Variants in ZNF808 observed in about 807,000 individuals in gnomAD.
ZNF808 encodes the protein zinc finger protein 808.
In ZNF808, 5 loss-of-function variants were observed where a neutral mutation model predicts 8.7. The ratio of observed to expected loss-of-function variants is 0.58; its 90% CI spans 0.30 to 1.21. The LOEUF is 1.21. Ranked by LOEUF, ZNF808 falls within the 50% of genes most tolerant of loss-of-function variation. The pLI is 0.07. For missense variants in ZNF808, 1,103 were observed against 1,098.4 expected, an observed-to-expected ratio of 1.00 and a Z score of -0.06; for synonymous variants, 380 against 366.0, an observed-to-expected ratio of 1.04 and a Z score of -0.44.
chr19:52,536,513 C>G (rs1186207298), intron 2 of ZNF808, among the ~76,000 whole-genome samples: 2 of 152,124 alleles, frequency 1.3e-5, no homozygotes, highest in Admixed American at 6.6e-5. Context: ...TACATCCCCC[C>G]TCGTGGTGGG....
At chr19:52,561,360 G>A (rs2059857723) in intron 3 of ZNF808, among the ~76,000 whole-genome samples, 1 of 151,646 alleles carries the variant, frequency 6.6e-6, no homozygotes, top group African/African-American at 2.4e-5. Flanking sequence ...ACTTCTTTCT[G>A]TTCTTGTATT....
chr19:52,554,622 G>T lies in ZNF808; in HGVS notation c.1706G>T (p.Cys569Phe), dbSNP rs1467907686. 1 of 1,613,886 alleles carries T rather than the reference G, an allele frequency of 6.2e-7. No individual in the cohort carries two copies. The highest frequency in any genetic ancestry group is 8.5e-7 in the Non-Finnish European group (1 of 1,179,954). ...RIHTAKKPYK[C>F]NECGKAFNQQ... ...CACACTGCAAAGAAACCTTACAAGT[G>T]TAATGAATGTGGGAAAGCTTTTAAT... The change falls in exon 5 of 5, where the codon TGT becomes TTT. Residue 569 changes from cysteine (C) to phenylalanine (F), a missense_variant. Transcript: ENST00000359798.
At chr19:52,551,013 G>T (rs1017174660) in intron 4 of ZNF808, among the ~76,000 whole-genome samples, 3 of 151,940 alleles carry the variant, frequency 2.0e-5, no homozygotes, top group Non-Finnish European at 2.9e-5. Flanking sequence ...TTGAGGTCAG[G>T]AGTTTGAGAC....
chr19:52,539,070 A>G (rs1299706438), intron 2 of ZNF808, among the ~76,000 whole-genome samples: 1 of 152,016 alleles, frequency 6.6e-6, no homozygotes, highest in East Asian at 1.9e-4. Context: ...GGAGAGAAGT[A>G]GGGTAAGAAG....
intron 2 of ZNF808, among the ~76,000 whole-genome samples, chr19:52,542,634 A>G (rs190379868): frequency 1.3e-5 from 2 of 152,242 alleles, no homozygotes; most frequent in East Asian, 1.9e-4. Flanking sequence ...TGGTCGGGGC[A>G]GAGCTTAATT....
At chr19:52,559,851 C>T (rs181080099), downstream of ZNF808, among the ~76,000 whole-genome samples, 20 of 152,094 alleles carry the variant, frequency 1.3e-4, no homozygotes, top group Admixed American at 1.1e-3. Flanking sequence ...CTGAGCCTCT[C>T]GAGTAGCTGG....
At chr19:52,551,987 G>T (rs1568487943) in intron 4 of ZNF808, among the ~76,000 whole-genome samples, 1 of 151,906 alleles carries the variant, frequency 6.6e-6, no homozygotes, top group Non-Finnish European at 1.5e-5. Context: ...TGGAGTGCAA[G>T]ACTCCTTCTC....
At position 52,533,407 on chromosome 19, in the gene ZNF808, G is replaced by T. The variant is rs140099463; in HGVS notation, c.-20+398G>T. On this transcript the variant is annotated intron_variant, in intron 2 of 4. Coordinates refer to ENST00000359798, the MANE Select transcript of ZNF808 (RefSeq NM_001039886.4). ...ATGCCTGGCTAATTTTTATAGTTTT[G>T]TAGAGACGGGGTTTCACCATGTTGG... 6.7e-4 allele frequency among the ~76,000 whole-genome samples: 101 copies of T among 151,702 alleles called. No individual in the cohort carries two copies. In the East Asian group the frequency reaches 1.0e-2, roughly 15 times the overall value.
In ZNF808 at chr19:52,553,981, A is replaced by G. The variant is rs199544551; in HGVS notation, c.1065A>G (p.Gln355=). The G allele has an allele frequency of 2.3e-5, 37 of 1,614,098 alleles. No individual in the cohort carries two copies. In the African/African-American group the frequency reaches 4.0e-4, roughly 17 times the overall value. Residue 355 remains glutamine, a synonymous_variant, in exon 5 of 5, where the codon CAA becomes CAG. Transcript: ENST00000359798. ...CNECGKAFNQ[Q]SHLSRHQRLH... Reference sequence around the variant, plus strand: ...AATGTGGCAAGGCTTTTAATCAACAATCACACCTTTCACGCCATCAAAGAC... The same window carrying G: ...AATGTGGCAAGGCTTTTAATCAACAGTCACACCTTTCACGCCATCAAAGAC...
Position 52,555,992 on chromosome 19 carries a change from G to T in ZNF808, c.*364G>T, listed in dbSNP as rs755495805. On this transcript the variant is annotated 3_prime_UTR_variant, in exon 5 of 5. Transcript: ENST00000359798. ...ATCAGTGTGGCAAGGTCTTCAGTCC[G>T]AGGTCACTCCTTGCAGAACATGAGA... The T allele has an allele frequency of 3.8e-5, 23 of 611,074 alleles. No homozygotes were observed. The highest frequency in any genetic ancestry group is 3.7e-4 in the African/African-American group (20 of 54,584). 37.9% of individuals were successfully genotyped at this position (611,074 alleles called of 1,614,324 possible).
At chr19:52,544,276 G>C (rs988446530) in intron 3 of ZNF808, among the ~76,000 whole-genome samples, 5 of 152,150 alleles carry the variant, frequency 3.3e-5, no homozygotes, top group Non-Finnish European at 7.4e-5. Context: ...CGCTACTGTA[G>C]CCTCCCAAAG....
At chr19:52,564,303 T>C (rs1359540538) in exon 4 of ZNF808, 1 of 652,782 alleles carries the variant, frequency 1.5e-6, no homozygotes, top group Admixed American at 2.5e-5. Flanking sequence ...AAGCTGAAAA[T>C]GTCACTACCA....
intron 4 of ZNF808, among the ~76,000 whole-genome samples, chr19:52,552,703 GT>G (rs33948596): frequency 0.015 from 2,147 of 141,094 alleles, 43 homozygotes; most frequent in African/African-American, 0.044. Flanking sequence ...ATGTTGTGTG[GT>G]TTTTTTTTTT....
downstream of ZNF808, among the ~76,000 whole-genome samples, chr19:52,564,662 C>A (rs1811657379): frequency 6.6e-6 from 1 of 152,028 alleles, no homozygotes; most frequent in Admixed American, 6.6e-5. Context: ...CTATATAAAA[C>A]AATATCAGCA....
chr19:52,553,883 G>A lies in ZNF808; in HGVS notation c.967G>A (p.Val323Ile), dbSNP rs1271908805. 8 of 1,613,966 alleles carry A rather than the reference G, an allele frequency of 5.0e-6. No individual in the cohort carries two copies. Among genetic ancestry groups the A allele is most frequent in the African/African-American group, 1.3e-5 (1 of 74,972 alleles). ...TTACAAGTGTAATGAGTGTGGCAAG[G>A]TCTTTCGTCAAAATTCAGCCCTTGT... The part of the protein sequence containing the change: ...KPYKCNECGK[V>I]FRQNSALVIH... Residue 323 changes from valine to isoleucine, a missense_variant, in exon 5 of 5, where the codon GTC (valine) becomes ATC (isoleucine). Val to Ile is a conservative substitution (Grantham distance 29). Transcript: ENST00000359798.
At chr19:52,549,527 C>T (rs943705253) in intron 4 of ZNF808, among the ~76,000 whole-genome samples, 1 of 152,156 alleles carries the variant, frequency 6.6e-6, no homozygotes, top group Non-Finnish European at 1.5e-5. Flanking sequence ...ATTCTTGTCC[C>T]TTGCCCATAT....
chr19:52,564,882 T>C (rs757225492), downstream of ZNF808, among the ~76,000 whole-genome samples: 9 of 151,930 alleles, frequency 5.9e-5, 1 homozygote, highest in Non-Finnish European at 1.0e-4. Flanking sequence ...GTCGGGAGAT[T>C]GAGACCATCC....
intron 1 of ZNF808, among the ~76,000 whole-genome samples, chr19:52,529,909 A>AT (rs766981559): frequency 4.2e-4 from 57 of 134,226 alleles, no homozygotes; most frequent in Middle Eastern, 4.1e-3. Context: ...ATATATATAT[A>AT]TATTTTTTTT....
At chr19:52,541,557 G>A (rs554753375) in intron 2 of ZNF808, among the ~76,000 whole-genome samples, 26 of 152,112 alleles carry the variant, frequency 1.7e-4, no homozygotes, top group African/African-American at 6.0e-4. Context: ...GAATAAGACC[G>A]GAAAAGCTCA....
Sources: allele counts gnomAD v4.1 joint callset (sites outside exome capture counted in the v4.1 genomes callset), GRCh38; gene constraint gnomAD v4.1.1; transcripts MANE v1.5; gene names NCBI Gene and HGNC (gene_info 2026-07-23, HGNC 2026-07-21).